CCDC88C: variants seen among roughly 807,000 people sequenced by gnomAD.
CCDC88C encodes protein Daple.
In CCDC88C, 131 loss-of-function variants were observed where a neutral mutation model predicts 198.8. That is an observed-to-expected ratio of 0.66 (90% confidence interval 0.57 to 0.76). The LOEUF is 0.76. Among genes scored for constraint, CCDC88C ranks in the 30% least tolerant of loss-of-function variants. The pLI is 0.00. For synonymous variants in CCDC88C, 1,166 were observed against 1,114.7 expected (o/e 1.05, Z -0.92); for missense variants, 2,553 against 2,631.6 (o/e 0.97, Z 0.65).
intron 13 of CCDC88C, among the ~76,000 whole-genome samples, chr14:91,319,371 C>T (rs1003343777): frequency 2.0e-5 from 3 of 152,232 alleles, no homozygotes; most frequent in Admixed American, 2.0e-4. Context: ...ACTCTGCTCC[C>T]AGGAAGACCT....
Position 91,299,951 on chromosome 14 carries a change from T to C in CCDC88C, c.3755A>G (p.Gln1252Arg). 6.3e-7 allele frequency: 1 copy of C among 1,591,456 alleles called. No individual in the cohort carries two copies. Among genetic ancestry groups the C allele is most frequent in the South Asian group, 1.1e-5 (1 of 88,228 alleles). The change falls in exon 21 of 30, where the codon CAG becomes CGG. Residue 1252 changes from glutamine to arginine, a missense_variant. By Grantham distance (43) the Gln-to-Arg change is conservative (BLOSUM62 1). Around this residue, in one of 2 missense-constraint regions of CCDC88C, gnomAD observed 1,293 missense variants for 1,219.6 expected, o/e 1.06. Coordinates refer to ENST00000389857, the MANE Select transcript of CCDC88C (RefSeq NM_001080414.4). ...RTNALAMGEN[Q>R]RLRGELDRVN... ...CCTGTCCAGCTCGCCCCGCAGCCTC[T>C]GGTTCTCGCCCATGGCGAGGGCGTT...
At chr14:91,297,238 G>T in intron 22 of CCDC88C, 67 bp downstream of exon 22, 1 of 1,506,360 alleles carries the variant, frequency 6.6e-7, no homozygotes, top group Non-Finnish European at 9.1e-7. Context: ...CAGCTTGGCT[G>T]AGCCCTGGGC....
chr14:91,275,661 T>C (rs555600089), intron 29 of CCDC88C, among the ~76,000 whole-genome samples: 1 of 146,956 alleles, frequency 6.8e-6, no homozygotes, highest in Admixed American at 6.7e-5. Context: ...GTATCTTTAG[T>C]AGAGATGGGG....
chr14:91,355,511 C>T (rs1180674022), intron 4 of CCDC88C, among the ~76,000 whole-genome samples: 1 of 152,130 alleles, frequency 6.6e-6, no homozygotes, highest in Admixed American at 6.5e-5. Context: ...GGCGTGGGTG[C>T]AGCTGAGAGT....
chr14:91,402,583 TA>T (rs1460632855), intron 3 of CCDC88C, among the ~76,000 whole-genome samples: 3 of 152,092 alleles, frequency 2.0e-5, no homozygotes, highest in African/African-American at 7.2e-5. Context: ...AGCAAGCGGA[TA>T]AAAGTGTTAA....
At position 91,386,554 on chromosome 14, in the gene CCDC88C, C is replaced by T. The variant is rs140987964; in HGVS notation, c.270+22105G>A. Reference sequence around the variant, plus strand: ...TCTGCGCATGCCACACACACACCTGCCACGGTGGCCATAGTTCATTCGCCA... The same window carrying T: ...TCTGCGCATGCCACACACACACCTGTCACGGTGGCCATAGTTCATTCGCCA... On this transcript the variant is annotated intron_variant, in intron 3 of 29. Coordinates refer to ENST00000389857, the MANE Select transcript of CCDC88C (RefSeq NM_001080414.4). 3.1e-3 allele frequency among the ~76,000 whole-genome samples: 469 copies of T among 152,358 alleles called. 2 individuals carry two copies. The highest frequency in any genetic ancestry group is 0.012 in the South Asian group (60 of 4,826).
chr14:91,408,462 C>A (rs1305384568), intron 3 of CCDC88C, 197 bp downstream of exon 3: 2 of 572,532 alleles, frequency 3.5e-6, no homozygotes, highest in Non-Finnish European at 3.2e-6. Context: ...AGAACATTCA[C>A]CAAACAAAGG....
chr14:91,315,263 AAAACC>A (rs1401841748), intron 14 of CCDC88C, among the ~76,000 whole-genome samples: 1 of 152,140 alleles, frequency 6.6e-6, no homozygotes, highest in African/African-American at 2.4e-5. Context: ...TGAGGCAAAT[AAAACC>A]ACACGGATTT....
At position 91,273,691 on chromosome 14, in the gene CCDC88C, G is replaced by A. The variant is rs1157298675; in HGVS notation, c.5059-38C>T. On this transcript the variant is annotated intron_variant, in intron 29 of 29. Transcript: ENST00000389857. This position sits in a 1 kb window ranked among gnomAD's most constrained non-coding sequence, Gnocchi z 5.6. The stretch of plus-strand genomic sequence containing the variant: ...GAGTGAAGGTTGGAGGTGGGCATGA[G>A]GGTTGGGTGGGTCCTTGGAGCCGCC... 13 of 1,417,268 alleles carry A rather than the reference G, an allele frequency of 9.2e-6. No homozygotes were observed. The Admixed American group carries it at 1.6e-4, about 18-fold the overall frequency. 87.8% of individuals were successfully genotyped at this position (1,417,268 alleles called of 1,614,324 possible).
intron 3 of CCDC88C, among the ~76,000 whole-genome samples, chr14:91,363,503 T>C (rs1894399196): frequency 6.6e-6 from 1 of 152,234 alleles, no homozygotes; most frequent in African/African-American, 2.4e-5. Context: ...CTGGAAATAC[T>C]TGACTGTTTC....
intron 23 of CCDC88C, among the ~76,000 whole-genome samples, chr14:91,292,036 C>T (rs1197512949): frequency 1.3e-5 from 2 of 152,172 alleles, no homozygotes; most frequent in African/African-American, 2.4e-5. Context: ...TTGGTTTCCT[C>T]GTCTGAAAAC....
rs750241342 is a variant in CCDC88C at position 91,326,060 on chromosome 14, G to T, written c.1051-4C>A. ...TGATATTATCTTCTCTCAGCTCCTG[G>T]TTAGCAAAAACATACATGAGAACCA... On this transcript the variant is annotated splice_polypyrimidine_tract_variant and splice_region_variant and intron_variant, in intron 10 of 29. Transcript: ENST00000389857. 3 of 1,607,386 alleles carry T rather than the reference G, an allele frequency of 1.9e-6. No homozygotes were observed. Among genetic ancestry groups the T allele is most frequent in the Non-Finnish European group, 2.5e-6 (3 of 1,177,018 alleles).
In CCDC88C at chr14:91,340,044, G is replaced by A. The variant is rs1233430053; in HGVS notation, c.484-20C>T. The A allele has an allele frequency of 1.9e-6, 3 of 1,607,414 alleles. No homozygotes were observed. Among genetic ancestry groups the A allele is most frequent in the Non-Finnish European group, 2.5e-6 (3 of 1,177,714 alleles). On this transcript the variant is annotated intron_variant, in intron 6 of 29. Transcript: ENST00000389857. ...AGTCACCTGTGGGCACACATGGCAG[G>A]GCACTGCAGGGGCGGCAGAGACGGG...
chr14:91,385,865 C>T (rs955612547), intron 3 of CCDC88C, among the ~76,000 whole-genome samples: 3 of 151,950 alleles, frequency 2.0e-5, no homozygotes, highest in Non-Finnish European at 2.9e-5. Flanking sequence ...ACAGGGCTTG[C>T]TGCCTATGAC....
At chr14:91,358,626 C>A (rs1292868646) in intron 4 of CCDC88C, among the ~76,000 whole-genome samples, 1 of 152,236 alleles carries the variant, frequency 6.6e-6, no homozygotes, top group Non-Finnish European at 1.5e-5. Flanking sequence ...TAAGTTCTGA[C>A]TTTCTGTAAG....
chr14:91,392,244 T>C (rs1305036272), intron 3 of CCDC88C, among the ~76,000 whole-genome samples: 1 of 152,074 alleles, frequency 6.6e-6, no homozygotes, highest in Non-Finnish European at 1.5e-5. Context: ...ACATGCTCTA[T>C]AAACTCTGGC....
intron 3 of CCDC88C, among the ~76,000 whole-genome samples, chr14:91,367,494 G>A (rs1894597277): frequency 6.6e-6 from 1 of 152,170 alleles, no homozygotes; most frequent in Non-Finnish European, 1.5e-5. Context: ...GCCCAAAGCC[G>A]GGGCATTTTC....
In CCDC88C at chr14:91,272,515, T is replaced by C. The variant is rs2140902830; in HGVS notation, c.*110A>G. The stretch of plus-strand genomic sequence containing the variant: ...ACAGCAGAAATGCGTGGGAACCCCT[T>C]TCCTCATTCCAAACCCTCTCCTGGC... On this transcript the variant is annotated 3_prime_UTR_variant, in exon 30 of 30. Coordinates refer to ENST00000389857, the MANE Select transcript of CCDC88C (RefSeq NM_001080414.4). The C allele has an allele frequency of 8.6e-7, 1 of 1,157,612 alleles. No homozygotes were observed. Among genetic ancestry groups the C allele is most frequent in the Middle Eastern group, 3.0e-4 (1 of 3,316 alleles). The allele number at this position is 1,157,612 out of a possible 1,614,324, so 71.7% of individuals were successfully genotyped here.
intron 16 of CCDC88C, among the ~76,000 whole-genome samples, 175 bp from the exon 17 acceptor site, chr14:91,308,667 G>C (rs1004092141): frequency 6.6e-6 from 1 of 152,168 alleles, no homozygotes; most frequent in Admixed American, 6.5e-5. Context: ...CCTTTGGGGG[G>C]TTCCCTGGGT....
Sources: allele counts gnomAD v4.1 joint callset (sites outside exome capture counted in the v4.1 genomes callset), GRCh38; gene constraint gnomAD v4.1.1; regional missense constraint gnomAD v4.1.1; non-coding constraint Gnocchi (gnomAD v3.1); transcripts MANE v1.5; gene names NCBI Gene and HGNC (gene_info 2026-07-23, HGNC 2026-07-21).